The following TSHZ2 variants were observed in gnomAD, a reference collection of about 807,000 sequenced individuals.
TSHZ2 encodes teashirt zinc finger homeobox 2.
A neutral mutation model predicts 74.4 loss-of-function variants in TSHZ2; 21 were observed. The observed-to-expected ratio is 0.28, with a 90% CI of 0.20 to 0.41. The LOEUF is 0.41. Among genes scored for constraint, TSHZ2 ranks in the 10% least tolerant of loss-of-function variants. The pLI is 1.00. For synonymous variants in TSHZ2, 540 were observed against 515.3 expected (o/e 1.05, Z -0.65); for missense variants, 1,244 against 1,293.5 (o/e 0.96, Z 0.59).
At chr20:52,990,201 GA>G (rs369202580) in intron 1 of TSHZ2, among the ~76,000 whole-genome samples, 4 of 151,862 alleles carry the variant, frequency 2.6e-5, no homozygotes, top group Admixed American at 2.0e-4. Context: ...AATCATTTGG[GA>G]AAAAAATAAA....
chr20:53,006,299 A>G (rs867700678), intron 1 of TSHZ2, among the ~76,000 whole-genome samples: 9 of 152,236 alleles, frequency 5.9e-5, no homozygotes, highest in African/African-American at 1.9e-4. Context: ...AAAAAAAGTG[A>G]TATTTTCCCT....
chr20:53,147,109 TTG>T (rs199729812), intron 1 of TSHZ2, among the ~76,000 whole-genome samples: 6 of 151,170 alleles, frequency 4.0e-5, no homozygotes, highest in South Asian at 2.1e-4. Flanking sequence ...TACATGCTTT[TTG>T]TTTTTTATTC....
chr20:53,156,676 C>CAAAGAA (rs1299284980), intron 1 of TSHZ2, among the ~76,000 whole-genome samples: 3 of 152,152 alleles, frequency 2.0e-5, no homozygotes, highest in Non-Finnish European at 4.4e-5. Context: ...TTGTGTAGCC[C>CAAAGAA]AGAAAGAAAA....
intron 2 of TSHZ2, among the ~76,000 whole-genome samples, chr20:53,458,456 C>G (rs1361452895): frequency 6.6e-6 from 1 of 151,794 alleles, no homozygotes; most frequent in East Asian, 1.9e-4. Flanking sequence ...CTCTTTTTTT[C>G]TTTATTAGTC....
intron 2 of TSHZ2, among the ~76,000 whole-genome samples, chr20:53,387,360 T>C (rs781145842): frequency 5.9e-5 from 9 of 152,250 alleles, no homozygotes; most frequent in Non-Finnish European, 1.3e-4. Flanking sequence ...TCTTAAGATC[T>C]GTTTTATTTT....
chr20:53,233,848 G>C (rs1361180742), intron 1 of TSHZ2, among the ~76,000 whole-genome samples: 1 of 152,170 alleles, frequency 6.6e-6, no homozygotes, highest in African/African-American at 2.4e-5. Flanking sequence ...AAGGATTCCA[G>C]CCTCATAGGA....
intron 1 of TSHZ2, among the ~76,000 whole-genome samples, chr20:53,204,226 TATGATGATATGATACTATATCATCATATG>T (rs1989093317): frequency 1.4e-4 from 18 of 128,190 alleles, no homozygotes; most frequent in African/African-American, 4.4e-4. Flanking sequence ...TATATCATCA[TATGATGATATGATACTATATCATCATATG>T]ATGATATGAT....
intron 1 of TSHZ2, among the ~76,000 whole-genome samples, chr20:53,168,222 G>A (rs1489981459): frequency 6.6e-6 from 1 of 152,196 alleles, no homozygotes; most frequent in East Asian, 1.9e-4. Flanking sequence ...GATGGAGGCT[G>A]TCCTGTATAT....
intron 2 of TSHZ2, among the ~76,000 whole-genome samples, chr20:53,318,006 C>G (rs1486099431): frequency 2.0e-5 from 3 of 152,140 alleles, no homozygotes; most frequent in African/African-American, 7.2e-5. Flanking sequence ...GTTGGTCATT[C>G]TAAGAGCACA....
intron 2 of TSHZ2, among the ~76,000 whole-genome samples, chr20:53,302,462 G>T (rs1485311553): frequency 6.6e-6 from 1 of 152,124 alleles, no homozygotes; most frequent in Non-Finnish European, 1.5e-5. Context: ...AACACTTTTG[G>T]TCTTATCTCA....
chr20:53,348,374 T>A (rs577598279), intron 2 of TSHZ2, among the ~76,000 whole-genome samples: 7 of 152,254 alleles, frequency 4.6e-5, no homozygotes, highest in African/African-American at 1.7e-4. Context: ...TCCTCAGTAG[T>A]GAAAATACTG....
At chr20:53,260,362 A>C (rs1171807086) in intron 2 of TSHZ2, among the ~76,000 whole-genome samples, 2 of 152,332 alleles carry the variant, frequency 1.3e-5, no homozygotes, top group Admixed American at 6.5e-5. Flanking sequence ...AAGGTCCTAC[A>C]ATCTCTGAGC....
chr20:53,402,140 T>A lies in TSHZ2; in HGVS notation c.*9-85004T>A, dbSNP rs1160374267. ...TGGACATTTGGGCTGGTCTATATTT[T>A]TGCAATTGCGAATTGTGCTGCTATA... On this transcript the variant is annotated intron_variant, in intron 2 of 2. Coordinates refer to ENST00000371497, the MANE Select transcript of TSHZ2 (RefSeq NM_173485.6). Among the ~76,000 whole-genome samples, 47 of 152,224 alleles carry A rather than the reference T, an allele frequency of 3.1e-4. 1 individual carries two copies. Among genetic ancestry groups the A allele is most frequent in the Non-Finnish European group, 2.9e-5 (2 of 68,044 alleles).
In TSHZ2 at chr20:53,093,891, A is replaced by C. The variant is rs923203480; in HGVS notation, c.40+120558A>C. ...TAGGACCTCAGCCGGGTTTCATCAG[A>C]CTTCAACCGTCTTCAAACTACTTCA... On this transcript the variant is annotated intron_variant, in intron 1 of 2. Coordinates refer to ENST00000371497, the MANE Select transcript of TSHZ2 (RefSeq NM_173485.6). 3.3e-5 allele frequency among the ~76,000 whole-genome samples: 5 copies of C among 152,102 alleles called. No homozygotes were observed. In the South Asian group the frequency reaches 1.0e-3, roughly 32 times the overall value.
At chr20:53,262,257 G>T (rs760057450) in intron 2 of TSHZ2, among the ~76,000 whole-genome samples, 1 of 150,536 alleles carries the variant, frequency 6.6e-6, no homozygotes, top group Non-Finnish European at 1.5e-5. Flanking sequence ...AGCTTTCCAC[G>T]ATGCTTTTTT....
At chr20:53,248,786 T>C (rs906390334) in intron 1 of TSHZ2, among the ~76,000 whole-genome samples, 2 of 152,220 alleles carry the variant, frequency 1.3e-5, no homozygotes, top group Admixed American at 6.5e-5. Context: ...AGGAAGTTGG[T>C]AGCTGGGTTG....
chr20:53,365,122 A>G lies in TSHZ2; in HGVS notation c.*8+108551A>G, dbSNP rs115361748. The stretch of plus-strand genomic sequence containing the variant: ...TGCCCAACTCTACACTAGTCAAGAA[A>G]ATCTTTGTCCCTTGAAATTTTATGT... On this transcript the variant is annotated intron_variant, in intron 2 of 2. Transcript: ENST00000371497. Among the ~76,000 whole-genome samples, 570 of 152,328 alleles carry G rather than the reference A, an allele frequency of 3.7e-3. 4 individuals carry two copies. Among genetic ancestry groups the G allele is most frequent in the African/African-American group, 0.013 (543 of 41,572 alleles).
At chr20:53,053,712 C>A (rs1028656333) in intron 1 of TSHZ2, among the ~76,000 whole-genome samples, 2 of 152,062 alleles carry the variant, frequency 1.3e-5, no homozygotes, top group African/African-American at 2.4e-5. Flanking sequence ...TTGGAAATAG[C>A]GCATACATAA....
At chr20:53,379,756 C>T (rs1981791539) in intron 2 of TSHZ2, among the ~76,000 whole-genome samples, 1 of 151,962 alleles carries the variant, frequency 6.6e-6, no homozygotes, top group South Asian at 2.1e-4. Flanking sequence ...TCAAAACAAC[C>T]CCAAGAGTCT....
Sources: gnomAD v4.1 joint callset for allele counts (sites outside exome capture counted in the v4.1 genomes callset) on GRCh38, gnomAD v4.1.1 for gene constraint, MANE v1.5 for transcripts, NCBI Gene and HGNC (gene_info 2026-07-23, HGNC 2026-07-21) for gene names.